SOX5: variants seen among roughly 807,000 people sequenced by gnomAD.
SOX5 encodes SRY-box transcription factor 5, also known as transcription factor SOX-5.
Under a neutral mutation model 92.0 loss-of-function variants are expected in SOX5, and 9 were observed. That is an observed-to-expected ratio of 0.10 (90% CI 0.06 to 0.17). The LOEUF (loss-of-function observed/expected upper bound fraction) is 0.17, where lower values mean the gene tolerates loss of function less well. Ranked by LOEUF, SOX5 falls within the 10% of genes least tolerant of loss-of-function variation. SOX5 has a pLI of 1.00. For synonymous variants in SOX5, 344 were observed against 336.3 expected, an observed-to-expected ratio of 1.02 and a Z score of -0.25; for missense variants, 642 against 944.5, an observed-to-expected ratio of 0.68 and a Z score of 4.20.
intron 4 of SOX5, among the ~76,000 whole-genome samples, chr12:24,124,207 A>T (rs1413194929): frequency 6.6e-6 from 1 of 152,116 alleles, no homozygotes; most frequent in Non-Finnish European, 1.5e-5. Context: ...ATAATCCTTC[A>T]TTTGTGTCTG....
intron 4 of SOX5, among the ~76,000 whole-genome samples, chr12:24,163,520 G>A (rs1361910683): frequency 9.6e-6 from 1 of 104,234 alleles, no homozygotes; most frequent in Non-Finnish European, 1.9e-5. Flanking sequence ...TTTTTTTTTT[G>A]ATATTTATTC....
Position 23,887,908 on chromosome 12 carries a change from A to AGTGTGTGTGTGTGTGTGT in SOX5, c.270+7884_270+7885insACACACACACACACACAC, listed in dbSNP as rs1169542903. Among the ~76,000 whole-genome samples, 43 of 105,952 alleles carry AGTGTGTGTGTGTGTGTGT rather than the reference A, an allele frequency of 4.1e-4. 1 individual carries two copies. The East Asian group carries it at 4.5e-3, about 11-fold the overall frequency. 69.5% of individuals were successfully genotyped at this position (105,952 alleles called of 152,430 possible). A position where few individuals can be genotyped will look rare whatever the true frequency, so the allele number is the denominator to read the frequency against. ...ACCTTGAATTGATGGTAATTGGTCC[A>AGTGTGTGTGTGTGTGTGT]GTGTGTATATGTGTGTGTGTGTGTG... is the stretch of plus-strand genomic sequence containing the variant. On this transcript the variant is annotated intron_variant, in intron 2 of 14. Transcript: ENST00000451604.
At chr12:24,491,710 T>C (rs1347972966) in intron 1 of SOX5, among the ~76,000 whole-genome samples, 1 of 152,138 alleles carries the variant, frequency 6.6e-6, no homozygotes, top group African/African-American at 2.4e-5. Flanking sequence ...ACATTTGAAA[T>C]CCAAGACTAT....
chr12:23,830,515 C>T (rs1160713032), intron 3 of SOX5, among the ~76,000 whole-genome samples: 1 of 152,116 alleles, frequency 6.6e-6, no homozygotes, highest in Non-Finnish European at 1.5e-5. Flanking sequence ...CTTACAAAGC[C>T]TCTTCAACAT....
intron 6 of SOX5, among the ~76,000 whole-genome samples, chr12:23,723,766 A>T (rs2092961108): frequency 6.6e-6 from 1 of 151,974 alleles, no homozygotes; most frequent in South Asian, 2.1e-4. Context: ...TATAATCTGT[A>T]ATTAAATATA....
chr12:24,446,407 G>T (rs1307938215), intron 1 of SOX5, among the ~76,000 whole-genome samples: 2 of 152,124 alleles, frequency 1.3e-5, no homozygotes, highest in African/African-American at 4.8e-5. Flanking sequence ...CAGCAGAGAG[G>T]CCCAATGTTT....
intron 1 of SOX5, among the ~76,000 whole-genome samples, chr12:23,905,164 C>G (rs2138133238): frequency 6.6e-6 from 1 of 152,242 alleles, no homozygotes; most frequent in Middle Eastern, 3.4e-3. Context: ...GGAAAACTAA[C>G]TAGAAAATGT....
At chr12:24,031,172 C>T (rs1392606249) in intron 4 of SOX5, among the ~76,000 whole-genome samples, 1 of 149,854 alleles carries the variant, frequency 6.7e-6, no homozygotes, top group Non-Finnish European at 1.5e-5. Context: ...ATAGAACTAC[C>T]ATATGATCCA....
chr12:24,327,884 G>T lies in SOX5; in HGVS notation c.-174+40679C>A, dbSNP rs544022543. Among the ~76,000 whole-genome samples the T allele has an allele frequency of 1.3e-3, 194 of 152,068 alleles. 2 individuals carry two copies. The highest frequency in any genetic ancestry group is 2.4e-3 in the Non-Finnish European group (160 of 67,988). ...CGTATTTTTTTTTTGGTAGAGCTGG[G>T]TTTCACCATGTTGGTCAGGCTGGTC... On this transcript the variant is annotated intron_variant, in intron 2 of 4. Coordinates refer to the SOX5 transcript ENST00000446891.
intron 3 of SOX5, among the ~76,000 whole-genome samples, chr12:23,799,428 T>G (rs74826163): frequency 1.3e-5 from 2 of 152,198 alleles, no homozygotes; most frequent in East Asian, 3.9e-4. Flanking sequence ...CAAATCATTC[T>G]AAGATGCTTG....
At chr12:24,143,108 G>A (rs1950746091) in intron 4 of SOX5, among the ~76,000 whole-genome samples, 1 of 152,134 alleles carries the variant, frequency 6.6e-6, no homozygotes, top group African/African-American at 2.4e-5. Context: ...CACTTTAGTA[G>A]GAGAAAATAA....
chr12:23,989,077 T>C (rs1295841746), intron 4 of SOX5, among the ~76,000 whole-genome samples: 1 of 151,908 alleles, frequency 6.6e-6, no homozygotes, highest in African/African-American at 2.4e-5. Context: ...TTTCGTCATG[T>C]GAATAAGTGG....
At chr12:24,448,161 TCAAAAACAAA>T (rs1158931868) in intron 1 of SOX5, among the ~76,000 whole-genome samples, 3 of 151,940 alleles carry the variant, frequency 2.0e-5, no homozygotes, top group Admixed American at 6.6e-5. Flanking sequence ...AGACTCTGTC[TCAAAAACAAA>T]CAAAAACAAA....
chr12:23,969,086 C>A (rs951388038), intron 4 of SOX5, among the ~76,000 whole-genome samples: 4 of 152,180 alleles, frequency 2.6e-5, no homozygotes, highest in African/African-American at 9.6e-5. Flanking sequence ...CAACATCCAC[C>A]TAATTGTTTG....
At chr12:24,089,528 A>C (rs187622933) in intron 4 of SOX5, among the ~76,000 whole-genome samples, 1 of 152,272 alleles carries the variant, frequency 6.6e-6, no homozygotes, top group East Asian at 1.9e-4. Context: ...CAGAACATAT[A>C]ATCAAATAGA....
intron 3 of SOX5, among the ~76,000 whole-genome samples, chr12:23,845,072 G>T (rs1209641043): frequency 6.6e-6 from 1 of 152,308 alleles, no homozygotes; most frequent in East Asian, 1.9e-4. Flanking sequence ...ACAGAATTTT[G>T]TGTCAGATAT....
chr12:24,213,419 T>TAAAAAAAAAAAAAAAAAAAAAAAAAAGA (rs67296842), intron 3 of SOX5: 1 of 96,864 alleles, frequency 1.0e-5, no homozygotes, highest in African/African-American at 4.0e-5. Flanking sequence ...CTTGAAATGC[T>TAAAAAAAAAAAAAAAAAAAAAAAAAAGA]AAAAAAAAAA....
chr12:23,993,962 T>C (rs939056084), intron 4 of SOX5, among the ~76,000 whole-genome samples: 1 of 151,826 alleles, frequency 6.6e-6, no homozygotes, highest in Non-Finnish European at 1.5e-5. Context: ...CATAAATAAA[T>C]AAATAGCTGG....
intron 11 of SOX5, among the ~76,000 whole-genome samples, chr12:23,558,751 C>T (rs994138756): frequency 2.0e-5 from 3 of 152,116 alleles, no homozygotes; most frequent in South Asian, 2.1e-4. Context: ...TACAGGCTTG[C>T]GCCACCACAC....
Sources: gnomAD v4.1 joint callset for allele counts (sites outside exome capture counted in the v4.1 genomes callset) on GRCh38, gnomAD v4.1.1 for gene constraint, MANE v1.5 for transcripts, NCBI Gene and HGNC (gene_info 2026-07-23, HGNC 2026-07-21) for gene names.